Variants in KCNIP4 observed in about 807,000 individuals in gnomAD.
The protein encoded by KCNIP4 is potassium voltage-gated channel interacting protein 4.
In KCNIP4, 12 loss-of-function variants were observed where a neutral mutation model predicts 34.0. That is an observed-to-expected ratio of 0.35 (90% CI 0.23 to 0.57). The LOEUF is 0.57. KCNIP4 is among the 20% of genes least tolerant of loss of function. KCNIP4 has a pLI of 0.83. For missense variants in KCNIP4, 238 were observed against 311.7 expected (o/e 0.76, Z 1.78); for synonymous variants, 124 against 102.2 (o/e 1.21, Z -1.29).
At chr4:21,409,666 A>T (rs1248325894) in intron 1 of KCNIP4, among the ~76,000 whole-genome samples, 1 of 152,214 alleles carries the variant, frequency 6.6e-6, no homozygotes, top group Non-Finnish European at 1.5e-5. Context: ...TCGTGCAACA[A>T]ATGTTTAATG....
chr4:21,131,576 C>G (rs1190549526), intron 1 of KCNIP4, among the ~76,000 whole-genome samples: 1 of 152,120 alleles, frequency 6.6e-6, no homozygotes, highest in Non-Finnish European at 1.5e-5. Flanking sequence ...CACCACTGCA[C>G]TCCAGCCTGG....
chr4:21,561,168 G>A (rs1242437272), intron 1 of KCNIP4, among the ~76,000 whole-genome samples: 1 of 151,926 alleles, frequency 6.6e-6, no homozygotes, highest in African/African-American at 2.4e-5. Context: ...GCAAGCTGAA[G>A]AAATACAGAT....
intron 1 of KCNIP4, among the ~76,000 whole-genome samples, chr4:21,473,995 T>C (rs1395563323): frequency 6.6e-6 from 1 of 152,090 alleles, no homozygotes; most frequent in African/African-American, 2.4e-5. Flanking sequence ...ATTACAGGCG[T>C]GAGCCACCAC....
At chr4:21,829,556 T>C (rs926225285) in intron 1 of KCNIP4, among the ~76,000 whole-genome samples, 4 of 151,858 alleles carry the variant, frequency 2.6e-5, no homozygotes, top group African/African-American at 4.8e-5. Flanking sequence ...AAGAATAGAA[T>C]ACAAGGACTA....
chr4:21,642,209 T>C lies in KCNIP4; in HGVS notation c.61+306362A>G, dbSNP rs72491284. On this transcript the variant is annotated intron_variant, in intron 1 of 8. Coordinates refer to ENST00000382152, the MANE Select transcript of KCNIP4 (RefSeq NM_025221.6). ...ATCATGGAATTCATAGGCCTTATCA[T>C]ATCCCCAACCATCCTGATGCTGCTG... 7.6e-3 allele frequency among the ~76,000 whole-genome samples: 1,157 copies of C among 152,270 alleles called. 83 individuals are homozygous for C. In the East Asian group the frequency reaches 0.18, roughly 23 times the overall value.
chr4:21,893,332 A>C (rs1727210913), intron 1 of KCNIP4, among the ~76,000 whole-genome samples: 1 of 152,192 alleles, frequency 6.6e-6, no homozygotes, highest in Non-Finnish European at 1.5e-5. Context: ...CACTTACGAA[A>C]TGAACACCAG....
At chr4:21,303,695 A>T (rs1712018495) in intron 1 of KCNIP4, 1 of 773,520 alleles carries the variant, frequency 1.3e-6, no homozygotes, top group African/African-American at 1.8e-5. Flanking sequence ...CTTCATGTCC[A>T]TCCCAGAGTA....
At chr4:21,636,174 G>A (rs1746138022) in intron 1 of KCNIP4, among the ~76,000 whole-genome samples, 1 of 150,856 alleles carries the variant, frequency 6.6e-6, no homozygotes, top group African/African-American at 2.4e-5. Context: ...AGCATTAGGT[G>A]ATATACCTAA....
intron 2 of KCNIP4, among the ~76,000 whole-genome samples, chr4:20,857,693 A>T (rs1721751313): frequency 6.6e-6 from 1 of 150,632 alleles, no homozygotes; most frequent in Admixed American, 6.6e-5. Flanking sequence ...AGTCTCTTTT[A>T]ATACCAGCAG....
intron 1 of KCNIP4, among the ~76,000 whole-genome samples, chr4:21,463,178 G>T (rs1193214704): frequency 6.6e-6 from 1 of 151,970 alleles, no homozygotes; most frequent in Non-Finnish European, 1.5e-5. Context: ...CCCAACACTT[G>T]TTATCTTTTG....
intron 1 of KCNIP4, among the ~76,000 whole-genome samples, chr4:21,651,737 T>C (rs1747496489): frequency 6.6e-6 from 1 of 152,098 alleles, no homozygotes; most frequent in Non-Finnish European, 1.5e-5. Flanking sequence ...ATCCTCAATA[T>C]AGGTTGCAAG....
intron 1 of KCNIP4, among the ~76,000 whole-genome samples, chr4:21,919,741 T>C (rs902131621): frequency 6.6e-6 from 1 of 152,148 alleles, no homozygotes; most frequent in Non-Finnish European, 1.5e-5. Context: ...AAAAGTTCTA[T>C]ACTCTGATAA....
intron 3 of KCNIP4, among the ~76,000 whole-genome samples, chr4:20,809,420 G>GA (rs1192897817): frequency 6.6e-6 from 1 of 152,072 alleles, no homozygotes; most frequent in Non-Finnish European, 1.5e-5. Context: ...TTCAGACTCC[G>GA]AGAGGTCATA....
intron 1 of KCNIP4, among the ~76,000 whole-genome samples, chr4:21,642,404 C>T (rs2874954): frequency 0.26 from 40,221 of 151,834 alleles, 6,424 homozygotes; most frequent in East Asian, 0.72. Context: ...TTTGAAGACT[C>T]GGTTACAGTG....
At chr4:21,907,079 C>CT (rs1728046083) in intron 1 of KCNIP4, among the ~76,000 whole-genome samples, 1 of 152,074 alleles carries the variant, frequency 6.6e-6, no homozygotes, top group Non-Finnish European at 1.5e-5. Flanking sequence ...TACTGCTATA[C>CT]TTTGAGTGTG....
At chr4:21,006,087 T>C (rs912339799) in intron 1 of KCNIP4, among the ~76,000 whole-genome samples, 1 of 152,116 alleles carries the variant, frequency 6.6e-6, no homozygotes, top group African/African-American at 2.4e-5. Flanking sequence ...AAACCAGAAT[T>C]AGTAGAGCCA....
chr4:21,836,695 T>A (rs114746888), intron 1 of KCNIP4, among the ~76,000 whole-genome samples: 1 of 152,222 alleles, frequency 6.6e-6, no homozygotes, highest in Non-Finnish European at 1.5e-5. Flanking sequence ...AAATCCAGTC[T>A]TGCTATTTTC....
chr4:21,176,959 T>C lies in KCNIP4; in HGVS notation c.62-294250A>G, dbSNP rs537707138. Among the ~76,000 whole-genome samples the C allele has an allele frequency of 1.2e-3, 180 of 152,358 alleles. 1 individual carries two copies. The highest frequency in any genetic ancestry group is 3.7e-3 in the African/African-American group (155 of 41,586). On this transcript the variant is annotated intron_variant, in intron 1 of 8. Coordinates refer to ENST00000382152, the MANE Select transcript of KCNIP4 (RefSeq NM_025221.6). ...TCTAATACTGTTGCTGATAAGCAGATATTCAGTGAGTAGGTACTCCTCAGA... is the reference window on the plus strand; with the variant it reads ...TCTAATACTGTTGCTGATAAGCAGACATTCAGTGAGTAGGTACTCCTCAGA...
intron 1 of KCNIP4, among the ~76,000 whole-genome samples, chr4:21,737,218 G>A (rs186197332): frequency 6.6e-6 from 1 of 152,158 alleles, no homozygotes; most frequent in East Asian, 1.9e-4. Flanking sequence ...ATCCTTATGT[G>A]CACCAATCAA....
Sources: gnomAD v4.1 joint callset for allele counts (sites outside exome capture counted in the v4.1 genomes callset) on GRCh38, gnomAD v4.1.1 for gene constraint, MANE v1.5 for transcripts, NCBI Gene and HGNC (gene_info 2026-07-23, HGNC 2026-07-21) for gene names.